Variants in CAPZA2 observed in about 807,000 individuals in gnomAD.
CAPZA2 encodes capping actin protein of muscle Z-line subunit alpha 2.
CAPZA2 carries 13 observed loss-of-function variants against 44.0 expected under a neutral mutation model. The ratio of observed to expected loss-of-function variants is 0.30; its 90% CI spans 0.19 to 0.47. CAPZA2 has a LOEUF of 0.47. CAPZA2 is among the 20% of genes least tolerant of loss of function. The pLI is 1.00. For missense variants in CAPZA2, 244 were observed against 338.6 expected (o/e 0.72, Z 2.19); for synonymous variants, 94 against 108.2 (o/e 0.87, Z 0.81).
intron 1 of CAPZA2, among the ~76,000 whole-genome samples, chr7:116,887,691 G>A (rs1277369024): frequency 6.6e-6 from 1 of 152,114 alleles, no homozygotes; most frequent in African/African-American, 2.4e-5. Flanking sequence ...AAATTAGCTG[G>A]GCATGGCGGC....
Position 116,920,246 on chromosome 7 carries a change from AAATAAT to A in CAPZA2, c.*2391_*2396del, listed in dbSNP as rs143647896. On this transcript the variant is annotated 3_prime_UTR_variant, in exon 10 of 10. Coordinates refer to ENST00000361183, the MANE Select transcript of CAPZA2 (RefSeq NM_006136.3). ...GGTGACACAGGGAGCCTCTGTCTCA[AAATAAT>A]AATAATAATAAAAGAATGGCATTTA... 0.23 allele frequency: 34,639 copies of A among 151,606 alleles called. 4,049 individuals are homozygous for A. Among genetic ancestry groups the A allele is most frequent in the East Asian group, 0.4 (2,046 of 5,112 alleles). 9.4% of individuals were successfully genotyped at this position (151,606 alleles called of 1,614,324 possible). A position where few individuals can be genotyped will look rare whatever the true frequency, so the allele number is the denominator to read the frequency against.
chr7:116,881,918 G>A (rs766001675), intron 1 of CAPZA2, among the ~76,000 whole-genome samples: 1 of 151,970 alleles, frequency 6.6e-6, no homozygotes, highest in Non-Finnish European at 1.5e-5. Context: ...CTTTTGAAGA[G>A]TACAGACTGA....
intron 2 of CAPZA2, among the ~76,000 whole-genome samples, chr7:116,889,088 A>C (rs954593642): frequency 6.6e-6 from 1 of 152,200 alleles, no homozygotes; most frequent in Non-Finnish European, 1.5e-5. Flanking sequence ...ACGTTTTTAT[A>C]ATTATTCACC....
At chr7:116,877,551 A>G (rs567902054) in intron 1 of CAPZA2, among the ~76,000 whole-genome samples, 1 of 152,206 alleles carries the variant, frequency 6.6e-6, no homozygotes, top group Non-Finnish European at 1.5e-5. Flanking sequence ...AGTAATAGCC[A>G]TTATTTGAGT....
intron 1 of CAPZA2, among the ~76,000 whole-genome samples, chr7:116,881,711 C>T: frequency 6.9e-6 from 1 of 145,248 alleles, no homozygotes; most frequent in Non-Finnish European, 1.5e-5. Context: ...TGCACTCCAG[C>T]CTGGGCAGCA....
chr7:116,884,916 T>C (rs1017093931), intron 1 of CAPZA2, among the ~76,000 whole-genome samples: 5 of 152,196 alleles, frequency 3.3e-5, no homozygotes, highest in African/African-American at 4.8e-5. Context: ...CTGGGTGTTA[T>C]GTCCTTTTTA....
At chr7:116,888,344 T>C in intron 2 of CAPZA2, 154 bp downstream of exon 2, 2 of 511,336 alleles carry the variant, frequency 3.9e-6, no homozygotes, top group Non-Finnish European at 6.9e-6. Context: ...TTGTAATGGC[T>C]AGAATATAAT....
chr7:116,906,045 T>C (rs1791495719), intron 5 of CAPZA2, among the ~76,000 whole-genome samples: 1 of 152,224 alleles, frequency 6.6e-6, no homozygotes, highest in Non-Finnish European at 1.5e-5. Context: ...TGAATTGTAT[T>C]TTATTTAGTG....
At chr7:116,911,876 A>T (rs563994280) in intron 7 of CAPZA2, among the ~76,000 whole-genome samples, 193 bp from the exon 8 acceptor site, 2 of 151,774 alleles carry the variant, frequency 1.3e-5, no homozygotes, top group South Asian at 4.1e-4. Flanking sequence ...AACTACAGGA[A>T]TATCTCTAAC....
chr7:116,903,355 A>C (rs1797020956), intron 4 of CAPZA2, among the ~76,000 whole-genome samples: 1 of 152,026 alleles, frequency 6.6e-6, no homozygotes, highest in African/African-American at 2.4e-5. Context: ...CAAGTGTAGT[A>C]AAATAATGAC....
chr7:116,905,147 A>G (rs2115961710), intron 5 of CAPZA2, among the ~76,000 whole-genome samples: 1 of 151,814 alleles, frequency 6.6e-6, no homozygotes, highest in Non-Finnish European at 1.5e-5. Context: ...TCAAAAAAAA[A>G]AAAAAGAAAA....
chr7:116,888,086 G>A (rs1796786353), intron 1 of CAPZA2, 41 bp from the exon 2 acceptor site: 4 of 1,416,938 alleles, frequency 2.8e-6, no homozygotes, highest in East Asian at 2.3e-5. Context: ...TTTAGCAGAA[G>A]CCTGTGATAT....
chr7:116,897,805 A>T (rs1369839649), intron 3 of CAPZA2, among the ~76,000 whole-genome samples: 1 of 151,972 alleles, frequency 6.6e-6, no homozygotes, highest in Non-Finnish European at 1.5e-5. Context: ...TCTCGTCACC[A>T]TTTCCTACCT....
intron 1 of CAPZA2, among the ~76,000 whole-genome samples, chr7:116,872,810 G>C (rs185967789): frequency 1.2e-3 from 179 of 152,246 alleles, no homozygotes; most frequent in African/African-American, 4.1e-3. Flanking sequence ...ATTTTCTTGA[G>C]AATCAAGTAA....
intron 4 of CAPZA2, among the ~76,000 whole-genome samples, chr7:116,900,556 A>G (rs1796982403): frequency 6.6e-6 from 1 of 152,012 alleles, no homozygotes; most frequent in Non-Finnish European, 1.5e-5. Flanking sequence ...AGGGAATTCA[A>G]TTTAAAATGA....
chr7:116,915,401 T>C (rs1345792437), intron 8 of CAPZA2: 1 of 152,176 alleles, frequency 6.6e-6, no homozygotes, highest in African/African-American at 2.4e-5. Flanking sequence ...TTGACTAATA[T>C]GCCAGTTTGT....
intron 1 of CAPZA2, among the ~76,000 whole-genome samples, chr7:116,871,298 A>T (rs1424375094): frequency 6.6e-6 from 1 of 152,236 alleles, no homozygotes; most frequent in East Asian, 1.9e-4. Context: ...GAATTTCAAG[A>T]AGGAGCGGTG....
chr7:116,867,520 A>G (rs1165449557), intron 1 of CAPZA2, among the ~76,000 whole-genome samples: 1 of 151,296 alleles, frequency 6.6e-6, no homozygotes, highest in Non-Finnish European at 1.5e-5. Flanking sequence ...ACGTATTGTT[A>G]CTTAATCGTG....
At chr7:116,888,798 C>G (rs1408664982) in intron 2 of CAPZA2, 3 of 151,572 alleles carry the variant, frequency 2.0e-5, no homozygotes, top group African/African-American at 7.3e-5. Context: ...CCATTGCACT[C>G]TAGCCTGGGC....
Sources: gnomAD v4.1 joint callset for allele counts (sites outside exome capture counted in the v4.1 genomes callset) on GRCh38, gnomAD v4.1.1 for gene constraint, MANE v1.5 for transcripts, NCBI Gene and HGNC (gene_info 2026-07-23, HGNC 2026-07-21) for gene names.